ZNF106: variants seen among roughly 807,000 people sequenced by gnomAD.
ZNF106 encodes the protein zinc finger protein 106.
Under a neutral mutation model 195.1 loss-of-function variants are expected in ZNF106, and 67 were observed. The ratio of observed to expected loss-of-function variants is 0.34; its 90% CI spans 0.28 to 0.42. The LOEUF (loss-of-function observed/expected upper bound fraction) is 0.42, where lower values mean the gene tolerates loss of function less well. ZNF106 is among the 10% of genes least tolerant of loss of function. The pLI, the probability that ZNF106 is intolerant of heterozygous loss-of-function variation, is 1.00. For missense variants in ZNF106, 2,118 were observed against 2,304.5 expected (o/e 0.92, Z 1.66); for synonymous variants, 784 against 818.6 (o/e 0.96, Z 0.72).
intron 17 of ZNF106, 99 bp downstream of exon 17, chr15:42,423,899 T>A (rs2054759713): frequency 8.8e-7 from 1 of 1,136,708 alleles, no homozygotes; most frequent in Non-Finnish European, 1.3e-6. Flanking sequence ...CTTCGGTGGA[T>A]AAAGGGCTTA....
chr15:42,448,004 C>T lies in ZNF106; in HGVS notation c.3135+68G>A, dbSNP rs143888195. 283 of 1,510,654 alleles carry T rather than the reference C, an allele frequency of 1.9e-4. No individual in the cohort carries two copies. In the African/African-American group the frequency reaches 3.4e-3, roughly 18 times the overall value. The allele number at this position is 1,510,654 out of a possible 1,614,324, so 93.6% of individuals were successfully genotyped here. Reference sequence around the variant, plus strand: ...CAGATACCCAAGAAAAACAGTTGAACCTTTTTTCATAAGCAACCAACTTGC... The same window carrying T: ...CAGATACCCAAGAAAAACAGTTGAATCTTTTTTCATAAGCAACCAACTTGC... On this transcript the variant is annotated intron_variant, in intron 6 of 21. Transcript: ENST00000564754.
chr15:42,484,189 G>T (rs1396895879), intron 1 of ZNF106, among the ~76,000 whole-genome samples: 1 of 151,998 alleles, frequency 6.6e-6, no homozygotes, highest in Non-Finnish European at 1.5e-5. Flanking sequence ...AAGATATTTT[G>T]TACCCCCTTT....
chr15:42,440,998 A>AAATATATATAT (rs1567009198), intron 10 of ZNF106, among the ~76,000 whole-genome samples: 1 of 23,578 alleles, frequency 4.2e-5, no homozygotes, highest in African/African-American at 2.5e-4. Context: ...AAAAAAAAAA[A>AAATATATATAT]ATATATATAT....
intron 10 of ZNF106, among the ~76,000 whole-genome samples, chr15:42,441,545 G>A (rs1335697994): frequency 6.6e-6 from 1 of 152,126 alleles, no homozygotes; most frequent in African/African-American, 2.4e-5. Context: ...TAGCTTAGAC[G>A]TATTCTCAAA....
intron 8 of ZNF106, 132 bp from the exon 9 acceptor site, chr15:42,444,394 G>A (rs1263387964): frequency 7.6e-6 from 5 of 661,130 alleles, no homozygotes; most frequent in Non-Finnish European, 1.3e-5. Context: ...CCAGCCGCAG[G>A]TTTTCTCCAG....
intron 14 of ZNF106, among the ~76,000 whole-genome samples, chr15:42,428,994 T>A (rs2054958106): frequency 6.6e-6 from 1 of 151,414 alleles, no homozygotes; most frequent in African/African-American, 2.4e-5. Context: ...CTCGATCTCC[T>A]GACCTCGTGA....
intron 1 of ZNF106, among the ~76,000 whole-genome samples, chr15:42,474,410 G>A (rs1444823251): frequency 6.6e-6 from 1 of 152,180 alleles, no homozygotes; most frequent in African/African-American, 2.4e-5. Context: ...TATTCCAAAT[G>A]GAACTATCCA....
At chr15:42,464,326 T>C (rs930696712) in intron 3 of ZNF106, among the ~76,000 whole-genome samples, 2 of 147,802 alleles carry the variant, frequency 1.4e-5, no homozygotes, top group African/African-American at 5.0e-5. Flanking sequence ...GGCAACAGAG[T>C]GAGACTCCGT....
chr15:42,445,155 CAA>C (rs1203759785), intron 7 of ZNF106, among the ~76,000 whole-genome samples, 174 bp from the exon 8 acceptor site: 1 of 152,140 alleles, frequency 6.6e-6, no homozygotes, highest in African/African-American at 2.4e-5. Context: ...AGCTAGGAAC[CAA>C]AAGTGAGAAC....
chr15:42,460,257 T>C (rs1279942180), intron 3 of ZNF106, among the ~76,000 whole-genome samples: 1 of 152,122 alleles, frequency 6.6e-6, no homozygotes, highest in Non-Finnish European at 1.5e-5. Context: ...GCAGAGAATC[T>C]GTCTAATGCT....
intron 3 of ZNF106, among the ~76,000 whole-genome samples, chr15:42,462,773 C>A (rs754419669): frequency 6.6e-6 from 1 of 152,058 alleles, no homozygotes; most frequent in East Asian, 1.9e-4. Flanking sequence ...ATTATAAACA[C>A]GAGTCTTATG....
At chr15:42,485,500 C>T (rs182894222) in intron 1 of ZNF106, among the ~76,000 whole-genome samples, 53 of 152,266 alleles carry the variant, frequency 3.5e-4, no homozygotes, top group African/African-American at 1.2e-3. Flanking sequence ...TTCCAGGTCT[C>T]CAGTTTCCTC....
chr15:42,414,135 G>C lies in ZNF106; in HGVS notation c.*3169C>G, dbSNP rs1176892203. 10 of 152,154 alleles carry C rather than the reference G, an allele frequency of 6.6e-5. No homozygotes were observed. In the East Asian group the frequency reaches 1.9e-3, roughly 29 times the overall value. 9.4% of individuals were successfully genotyped at this position (152,154 alleles called of 1,614,324 possible). ...GTCAGTTTTTGTCAGGTCATTTAAT[G>C]GTTTCTTTCCTTCACAAAGCCACTA... On this transcript the variant is annotated 3_prime_UTR_variant, in exon 22 of 22. Coordinates refer to ENST00000564754, the MANE Select transcript of ZNF106 (RefSeq NM_001366845.3).
At chr15:42,434,417 A>G (rs967131784) in intron 14 of ZNF106, among the ~76,000 whole-genome samples, 1 of 152,218 alleles carries the variant, frequency 6.6e-6, no homozygotes, top group Non-Finnish European at 1.5e-5. Flanking sequence ...TGTGATGCAC[A>G]CTAAAGTTGT....
intron 1 of ZNF106, among the ~76,000 whole-genome samples, chr15:42,474,323 T>C (rs1179335761): frequency 6.6e-6 from 1 of 152,108 alleles, no homozygotes. Flanking sequence ...TTGCATATTT[T>C]GTTCACTAGT....
chr15:42,472,835 C>T (rs556325393), intron 1 of ZNF106, among the ~76,000 whole-genome samples: 5 of 152,072 alleles, frequency 3.3e-5, no homozygotes, highest in African/African-American at 9.6e-5. Flanking sequence ...CATGGTGAAA[C>T]CCCGTCTCTA....
chr15:42,433,442 T>C (rs1327480248), intron 14 of ZNF106, among the ~76,000 whole-genome samples: 1 of 151,562 alleles, frequency 6.6e-6, no homozygotes, highest in Non-Finnish European at 1.5e-5. Flanking sequence ...AATTCCTCAA[T>C]TGACTTTCTA....
In ZNF106 at chr15:42,473,098, C is replaced by T. The variant is rs140526398; in HGVS notation, c.-32-777G>A. On this transcript the variant is annotated intron_variant, in intron 1 of 21. Coordinates refer to ENST00000564754, the MANE Select transcript of ZNF106 (RefSeq NM_001366845.3). ...CTGAAATCTGAAATCTGAAATGATC[C>T]AAAACCGGAAACTTTTTGGGTGTCA... is the stretch of plus-strand genomic sequence containing the variant. Among the ~76,000 whole-genome samples, 232 of 151,902 alleles carry T rather than the reference C, an allele frequency of 1.5e-3. 8 individuals carry two copies. The East Asian group carries it at 0.041, about 27-fold the overall frequency.
intron 1 of ZNF106, among the ~76,000 whole-genome samples, chr15:42,478,085 A>G (rs1239125151): frequency 1.3e-5 from 2 of 150,726 alleles, no homozygotes; most frequent in Non-Finnish European, 3.0e-5. Flanking sequence ...ACCTGAAACT[A>G]CGTCTCAAAA....
Sources: gnomAD v4.1 joint callset for allele counts (sites outside exome capture counted in the v4.1 genomes callset) on GRCh38, gnomAD v4.1.1 for gene constraint, MANE v1.5 for transcripts, NCBI Gene and HGNC (gene_info 2026-07-23, HGNC 2026-07-21) for gene names.